NRXN3: variants seen among roughly 807,000 people sequenced by gnomAD.
NRXN3 encodes the protein neurexin 3.
In NRXN3, 32 loss-of-function variants were observed where a neutral mutation model predicts 137.6. That is an observed-to-expected ratio of 0.23 (90% CI 0.18 to 0.31). NRXN3 has a LOEUF of 0.31. NRXN3 is among the 10% of genes least tolerant of loss of function. NRXN3 has a pLI of 1.00. For synonymous variants in NRXN3, 798 were observed against 784.5 expected (o/e 1.02, Z -0.29); for missense variants, 1,574 against 2,062.5 (o/e 0.76, Z 4.59).
At chr14:78,499,297 C>G (rs2095843162) in intron 4 of NRXN3, among the ~76,000 whole-genome samples, 1 of 152,028 alleles carries the variant, frequency 6.6e-6, no homozygotes, top group Non-Finnish European at 1.5e-5. Flanking sequence ...TCACATGGGT[C>G]ATTAAAGTCC....
At chr14:79,049,624 A>G (rs1242876658) in intron 15 of NRXN3, among the ~76,000 whole-genome samples, 2 of 152,160 alleles carry the variant, frequency 1.3e-5, no homozygotes, top group African/African-American at 4.8e-5. Flanking sequence ...GAAGGTTTTT[A>G]ATTTACTTTG....
chr14:78,387,705 C>T (rs746449468), intron 4 of NRXN3, among the ~76,000 whole-genome samples: 3 of 152,152 alleles, frequency 2.0e-5, no homozygotes, highest in Admixed American at 6.5e-5. Context: ...CCTTTCCCTC[C>T]CTACTCCCAG....
chr14:79,354,716 C>T (rs1347078347), intron 15 of NRXN3, among the ~76,000 whole-genome samples: 2 of 152,208 alleles, frequency 1.3e-5, no homozygotes, highest in African/African-American at 2.4e-5. Flanking sequence ...GTTAAAATAC[C>T]GGAAGGATAT....
At chr14:79,757,555 G>C (rs1010246991) in intron 19 of NRXN3, among the ~76,000 whole-genome samples, 2 of 152,262 alleles carry the variant, frequency 1.3e-5, no homozygotes, top group East Asian at 3.9e-4. Flanking sequence ...TTAATCCAAA[G>C]CATATGTGTA....
At chr14:78,187,419 A>T (rs532270607) in intron 1 of NRXN3, among the ~76,000 whole-genome samples, 2 of 152,196 alleles carry the variant, frequency 1.3e-5, no homozygotes, top group Admixed American at 1.3e-4. Flanking sequence ...TCTACATGCC[A>T]TTCAGAGGTA....
At chr14:79,731,042 C>T (rs1266465640) in intron 19 of NRXN3, among the ~76,000 whole-genome samples, 2 of 152,182 alleles carry the variant, frequency 1.3e-5, no homozygotes, top group Admixed American at 6.5e-5. Context: ...GAATGAAAAT[C>T]TCCCTATTAC....
At chr14:78,198,049 C>T (rs2061378151) in intron 1 of NRXN3, among the ~76,000 whole-genome samples, 1 of 152,170 alleles carries the variant, frequency 6.6e-6, no homozygotes, top group African/African-American at 2.4e-5. Flanking sequence ...AAAGATACGA[C>T]CAGGCCCTGC....
intron 1 of NRXN3, among the ~76,000 whole-genome samples, chr14:78,233,608 A>G (rs896476191): frequency 2.0e-5 from 3 of 150,526 alleles, no homozygotes; most frequent in Non-Finnish European, 4.4e-5. Flanking sequence ...TCTCTGTAGA[A>G]CTTCCGTTCA....
chr14:79,838,399 C>T (rs990015723), intron 20 of NRXN3, among the ~76,000 whole-genome samples: 41 of 152,114 alleles, frequency 2.7e-4, no homozygotes, highest in African/African-American at 8.2e-4. Flanking sequence ...GGTTTCCCCA[C>T]GCTGACTTTT....
chr14:79,644,607 G>C (rs2098445837), intron 16 of NRXN3, among the ~76,000 whole-genome samples: 1 of 136,234 alleles, frequency 7.3e-6, no homozygotes, highest in South Asian at 2.3e-4. Flanking sequence ...GATTTTCTCT[G>C]ATGAAAGAAA....
At chr14:78,991,759 T>C (rs1213170348) in intron 15 of NRXN3, among the ~76,000 whole-genome samples, 7 of 152,224 alleles carry the variant, frequency 4.6e-5, no homozygotes, top group African/African-American at 1.4e-4. Context: ...TTTTATGACC[T>C]TTGTGTTTTT....
chr14:78,667,696 A>G lies in NRXN3; in HGVS notation c.1221+16370A>G, dbSNP rs1406288333. ...CAGACATAGGAAAAAAAACTCACTCATGGATAAATATGTGTGCATATGTGA... is the reference window on the plus strand; with the variant it reads ...CAGACATAGGAAAAAAAACTCACTCGTGGATAAATATGTGTGCATATGTGA... On this transcript the variant is annotated intron_variant, in intron 6 of 20. Coordinates refer to ENST00000335750, the MANE Select transcript of NRXN3 (RefSeq NM_001330195.2). 2.0e-5 allele frequency among the ~76,000 whole-genome samples: 3 copies of G among 152,234 alleles called. No homozygotes were observed. The East Asian group carries it at 5.8e-4, about 29-fold the overall frequency.
chr14:78,540,549 A>G (rs925153496), intron 4 of NRXN3, among the ~76,000 whole-genome samples: 25 of 150,886 alleles, frequency 1.7e-4, no homozygotes, highest in African/African-American at 6.1e-4. Flanking sequence ...CAGCACACTG[A>G]TGGATCTTGA....
At chr14:79,292,310 C>T (rs1271275302) in intron 15 of NRXN3, among the ~76,000 whole-genome samples, 1 of 152,222 alleles carries the variant, frequency 6.6e-6, no homozygotes, top group Non-Finnish European at 1.5e-5. Context: ...GAGTGAGGGA[C>T]CCCCTCTCCT....
At chr14:78,618,911 T>C (rs760680169) in intron 4 of NRXN3, among the ~76,000 whole-genome samples, 38 of 152,370 alleles carry the variant, frequency 2.5e-4, no homozygotes, top group Non-Finnish European at 5.0e-4. Context: ...ATTAGAACTT[T>C]AGGAATTTTG....
At chr14:78,639,491 G>A (rs1185408916) in intron 4 of NRXN3, among the ~76,000 whole-genome samples, 1 of 152,184 alleles carries the variant, frequency 6.6e-6, no homozygotes, top group Admixed American at 6.5e-5. Flanking sequence ...CTCTCTGTTG[G>A]AGGTAAAGAG....
intron 4 of NRXN3, among the ~76,000 whole-genome samples, chr14:78,544,562 A>G (rs559709329): frequency 1.3e-5 from 2 of 152,326 alleles, no homozygotes; most frequent in South Asian, 2.1e-4. Context: ...TAGACTTTAT[A>G]TAACTTACAT....
In NRXN3 at chr14:78,714,766, A is replaced by T. The variant is rs748241509; in HGVS notation, c.1671A>T (p.Ser557=). The change falls in exon 8 of 21, where the codon TCA becomes TCT. Residue 557 remains serine (S), a synonymous_variant. Transcript: ENST00000335750. ...IQRDGRSGTI[S]VNSRRTPFTA... Reference sequence around the variant, plus strand: ...GTCTTCCCACCCCAGGTACTATATCAGTGAACAGCAGGCGCACGCCATTCA... The same window carrying T: ...GTCTTCCCACCCCAGGTACTATATCTGTGAACAGCAGGCGCACGCCATTCA... 1 of 1,613,670 alleles carries T rather than the reference A, an allele frequency of 6.2e-7. No individual in the cohort carries two copies. Among genetic ancestry groups the T allele is most frequent in the Non-Finnish European group, 8.5e-7 (1 of 1,179,688 alleles).
chr14:78,719,571 G>A (rs1297209601), intron 8 of NRXN3, among the ~76,000 whole-genome samples: 4 of 152,130 alleles, frequency 2.6e-5, no homozygotes, highest in African/African-American at 9.7e-5. Flanking sequence ...GCCAGGAGTG[G>A]TGGCTCATGC....
Sources: allele counts gnomAD v4.1 joint callset (sites outside exome capture counted in the v4.1 genomes callset), GRCh38; gene constraint gnomAD v4.1.1; transcripts MANE v1.5; gene names NCBI Gene and HGNC (gene_info 2026-07-23, HGNC 2026-07-21).